Variants in BAALC observed in about 807,000 individuals in gnomAD.
BAALC encodes the protein BAALC binder of MAP3K1 and KLF4, also known as brain and acute leukemia cytoplasmic protein.
In BAALC, 9 loss-of-function variants were observed where a neutral mutation model predicts 15.5. The ratio of observed to expected loss-of-function variants is 0.58; its 90% CI spans 0.35 to 1.02. The LOEUF (loss-of-function observed/expected upper bound fraction) is 1.02. BAALC is among the 50% of genes least tolerant of loss of function. The probability of loss-of-function intolerance (pLI) is 0.02; values close to 1 mark genes in which losing one functional copy is unlikely to be tolerated. For synonymous variants in BAALC, 80 were observed against 74.6 expected, an observed-to-expected ratio of 1.07 and a Z score of -0.37; for missense variants, 201 against 192.4, an observed-to-expected ratio of 1.04 and a Z score of -0.27.
intron 1 of BAALC, among the ~76,000 whole-genome samples, chr8:103,163,373 A>G (rs747792718): frequency 2.0e-5 from 3 of 152,034 alleles, no homozygotes; most frequent in Non-Finnish European, 2.9e-5. Flanking sequence ...TCTTGATTCC[A>G]GACCACATTT....
At chr8:103,183,555 AG>A in intron 1 of BAALC, 1 of 670,226 alleles carries the variant, frequency 1.5e-6, no homozygotes, top group Non-Finnish European at 2.7e-6. Context: ...AGCTTGGGAG[AG>A]CCTCTCAGGC....
chr8:103,142,851 C>A (rs1810811496), intron 1 of BAALC, among the ~76,000 whole-genome samples: 1 of 152,152 alleles, frequency 6.6e-6, no homozygotes, highest in African/African-American at 2.4e-5. Flanking sequence ...CTGGTCACTG[C>A]AACAGGTGGG....
intron 1 of BAALC, among the ~76,000 whole-genome samples, chr8:103,197,708 G>A (rs1812125515): frequency 6.6e-6 from 1 of 152,150 alleles, no homozygotes; most frequent in Admixed American, 6.5e-5. Context: ...CATGGTGGAA[G>A]GTGACGGGCA....
chr8:103,188,316 G>A (rs1167216096), intron 1 of BAALC, among the ~76,000 whole-genome samples: 1 of 152,120 alleles, frequency 6.6e-6, no homozygotes, highest in Non-Finnish European at 1.5e-5. Flanking sequence ...CGGGCCATGC[G>A]ATGCCCCTGA....
At chr8:103,185,922 G>A (rs1811824901) in intron 1 of BAALC, among the ~76,000 whole-genome samples, 1 of 152,150 alleles carries the variant, frequency 6.6e-6, no homozygotes, top group African/African-American at 2.4e-5. Context: ...CATTGCCTAG[G>A]GAGCACAAGC....
intron 1 of BAALC, among the ~76,000 whole-genome samples, chr8:103,186,356 G>T (rs1236963284): frequency 1.3e-5 from 2 of 152,198 alleles, no homozygotes; most frequent in African/African-American, 4.8e-5. Flanking sequence ...GAAGGAACTT[G>T]CCTAAGATCA....
chr8:103,154,028 C>T (rs1245944224), intron 1 of BAALC, among the ~76,000 whole-genome samples: 5 of 152,172 alleles, frequency 3.3e-5, no homozygotes, highest in Non-Finnish European at 5.9e-5. Context: ...CCTCATTAAA[C>T]GATTACCTCC....
rs147920617 is a variant in BAALC, at chr8:103,192,644, G to T, written c.161-20275G>T. Among the ~76,000 whole-genome samples the T allele has an allele frequency of 1.1e-4, 17 of 152,290 alleles. No individual in the cohort carries two copies. The East Asian group carries it at 3.3e-3, about 29-fold the overall frequency. On this transcript the variant is annotated intron_variant, in intron 1 of 2. Transcript: ENST00000309982. Reference sequence around the variant, plus strand: ...GATTTCCAATTCGGTGAGTCCAGCTGGGAAGATAATACATTTAGATGGCCA... The same window carrying T: ...GATTTCCAATTCGGTGAGTCCAGCTTGGAAGATAATACATTTAGATGGCCA...
chr8:103,228,125 T>A lies in BAALC; in HGVS notation c.*26T>A. ...CAGAGAGTCCAAGCAGAAGGGCAGA[T>A]GGACTTCTTCAGTGTCCTTCACGGC... On this transcript the variant is annotated 3_prime_UTR_variant, in exon 3 of 3. Coordinates refer to ENST00000309982, the MANE Select transcript of BAALC (RefSeq NM_024812.3). 8 of 1,484,306 alleles carry A rather than the reference T, an allele frequency of 5.4e-6. No homozygotes were observed. The highest frequency in any genetic ancestry group is 6.6e-6 in the Non-Finnish European group (7 of 1,063,750). The allele number at this position is 1,484,306 out of a possible 1,614,324, so 91.9% of individuals were successfully genotyped here. A position where few individuals can be genotyped will look rare whatever the true frequency, so the allele number is the denominator to read the frequency against.
At chr8:103,223,301 T>C (rs1812723126) in intron 2 of BAALC, among the ~76,000 whole-genome samples, 1 of 150,336 alleles carries the variant, frequency 6.7e-6, no homozygotes, top group Admixed American at 6.6e-5. Flanking sequence ...AGAGAGACTG[T>C]CTCAAAACAA....
rs140209967 is a variant in BAALC, at chr8:103,150,818, G to A, written c.160+9761G>A. The stretch of plus-strand genomic sequence containing the variant: ...TCTCTAAGCCATTATCCTGAATTCT[G>A]ATACAGCCACACCCACAGGATCACC... On this transcript the variant is annotated intron_variant, in intron 1 of 2. Transcript: ENST00000309982. Among the ~76,000 whole-genome samples, 176 of 152,124 alleles carry A rather than the reference G, an allele frequency of 1.2e-3. 2 individuals are homozygous for A. The highest frequency in any genetic ancestry group is 4.1e-3 in the African/African-American group (172 of 41,504).
intron 1 of BAALC, among the ~76,000 whole-genome samples, chr8:103,182,164 A>G (rs1410526073): frequency 6.6e-6 from 1 of 151,986 alleles, no homozygotes; most frequent in Non-Finnish European, 1.5e-5. Flanking sequence ...CCTCCAAGGA[A>G]CCCCCATTTC....
chr8:103,151,940 C>T (rs566715442), intron 1 of BAALC, among the ~76,000 whole-genome samples: 23 of 152,194 alleles, frequency 1.5e-4, no homozygotes, highest in African/African-American at 4.8e-4. Flanking sequence ...TATACGGGAA[C>T]CTCACAGGCA....
chr8:103,194,451 C>T (rs1182738244), intron 1 of BAALC, among the ~76,000 whole-genome samples: 6 of 152,186 alleles, frequency 3.9e-5, no homozygotes, highest in Admixed American at 6.5e-5. Context: ...AGAAGCAAAC[C>T]GTGAGGTCAT....
At chr8:103,210,164 G>A (rs1039685241) in intron 1 of BAALC, among the ~76,000 whole-genome samples, 8 of 152,210 alleles carry the variant, frequency 5.3e-5, no homozygotes, top group Admixed American at 2.0e-4. Context: ...GAAAAGGTGG[G>A]AATGGGAAGA....
chr8:103,195,942 G>A (rs1812086388), intron 1 of BAALC, among the ~76,000 whole-genome samples: 2 of 152,198 alleles, frequency 1.3e-5, no homozygotes, highest in South Asian at 4.1e-4. Context: ...ACTACTGCAG[G>A]AGTGCAGGGG....
chr8:103,197,072 G>T (rs1434873488), intron 1 of BAALC, among the ~76,000 whole-genome samples: 2 of 152,166 alleles, frequency 1.3e-5, no homozygotes, highest in Non-Finnish European at 2.9e-5. Flanking sequence ...TAAGACATTT[G>T]AACTATGGAT....
intron 1 of BAALC, among the ~76,000 whole-genome samples, chr8:103,170,513 G>A (rs1811459460): frequency 6.6e-6 from 1 of 152,132 alleles, no homozygotes; most frequent in Admixed American, 6.6e-5. Context: ...CACACAGAGA[G>A]GAGAATGCCA....
intron 1 of BAALC, among the ~76,000 whole-genome samples, chr8:103,155,667 C>G (rs1811075403): frequency 6.6e-6 from 1 of 152,198 alleles, no homozygotes; most frequent in African/African-American, 2.4e-5. Context: ...GAAGACCTGG[C>G]AGTAATCACC....
Sources: gnomAD v4.1 joint callset for allele counts (sites outside exome capture counted in the v4.1 genomes callset) on GRCh38, gnomAD v4.1.1 for gene constraint, MANE v1.5 for transcripts, NCBI Gene and HGNC (gene_info 2026-07-23, HGNC 2026-07-21) for gene names.